ERC2: variants seen among roughly 807,000 people sequenced by gnomAD.
The protein encoded by ERC2 is ELKS/RAB6-interacting/CAST family member 2.
A neutral mutation model predicts 114.8 loss-of-function variants in ERC2; 42 were observed. The ratio of observed to expected loss-of-function variants is 0.37; its 90% confidence interval spans 0.29 to 0.47. The LOEUF (loss-of-function observed/expected upper bound fraction) is 0.47. Ranked by LOEUF, ERC2 falls within the 20% of genes least tolerant of loss-of-function variation. The probability of loss-of-function intolerance (pLI) is 0.99; values close to 1 mark genes in which losing one functional copy is unlikely to be tolerated. For synonymous variants in ERC2, 454 were observed against 425.5 expected, an observed-to-expected ratio of 1.07 and a Z score of -0.82; for missense variants, 939 against 1,150.7, an observed-to-expected ratio of 0.82 and a Z score of 2.66.
At chr3:56,061,025 A>C (rs979716743) in intron 7 of ERC2, among the ~76,000 whole-genome samples, 2 of 152,164 alleles carry the variant, frequency 1.3e-5, no homozygotes, top group Non-Finnish European at 2.9e-5. Flanking sequence ...TGCCTGCTCA[A>C]TTCTTCCCAG....
Position 56,406,786 on chromosome 3 carries a change from T to C in ERC2, c.657+27565A>G, listed in dbSNP as rs574832631. Among the ~76,000 whole-genome samples, 8 of 152,258 alleles carry C rather than the reference T, an allele frequency of 5.3e-5. No individual in the cohort carries two copies. In the East Asian group the frequency reaches 9.6e-4, roughly 18 times the overall value. Reference sequence around the variant, plus strand: ...AAAAATCAAACTCAATCTCAATAAATGCAAAAACTCTTAATTTTGTTATAC... The same window carrying C: ...AAAAATCAAACTCAATCTCAATAAACGCAAAAACTCTTAATTTTGTTATAC... On this transcript the variant is annotated intron_variant, in intron 2 of 17. Coordinates refer to ENST00000288221, the MANE Select transcript of ERC2 (RefSeq NM_015576.3).
At chr3:56,224,405 C>T (rs1056079144) in intron 3 of ERC2, among the ~76,000 whole-genome samples, 3 of 152,104 alleles carry the variant, frequency 2.0e-5, no homozygotes, top group African/African-American at 7.2e-5. Context: ...ACCAGGAGTT[C>T]AAGCTACAGC....
chr3:56,059,290 C>T (rs909730082), intron 7 of ERC2, among the ~76,000 whole-genome samples: 13 of 152,078 alleles, frequency 8.5e-5, no homozygotes, highest in Non-Finnish European at 1.6e-4. Context: ...GGGGGTTTCA[C>T]CTGTTGGCCA....
At chr3:56,161,970 A>T (rs1364692949) in intron 4 of ERC2, among the ~76,000 whole-genome samples, 2 of 152,094 alleles carry the variant, frequency 1.3e-5, no homozygotes, top group Admixed American at 1.3e-4. Context: ...TCAGTTCTCA[A>T]GGGGAATGTG....
chr3:55,776,221 G>C (rs988664615), intron 14 of ERC2, among the ~76,000 whole-genome samples: 6 of 152,174 alleles, frequency 3.9e-5, no homozygotes, highest in Admixed American at 6.5e-5. Flanking sequence ...AAGCCACACG[G>C]GGCCTCCATT....
chr3:55,997,973 C>T (rs2071726236), intron 10 of ERC2, among the ~76,000 whole-genome samples: 2 of 126,492 alleles, frequency 1.6e-5, no homozygotes, highest in African/African-American at 3.0e-5. Flanking sequence ...CTATGTTGCC[C>T]AGCCTGGTCT....
At chr3:56,247,100 G>A (rs2051763508) in intron 3 of ERC2, among the ~76,000 whole-genome samples, 1 of 152,186 alleles carries the variant, frequency 6.6e-6, no homozygotes, top group Non-Finnish European at 1.5e-5. Context: ...ACTTTAAAAA[G>A]TAAGAGATGA....
intron 2 of ERC2, among the ~76,000 whole-genome samples, chr3:56,321,164 G>C (rs1349733401): frequency 6.6e-6 from 1 of 152,152 alleles, no homozygotes; most frequent in African/African-American, 2.4e-5. Flanking sequence ...GGAGGCAGGT[G>C]GTTGGTGTTA....
intron 14 of ERC2, among the ~76,000 whole-genome samples, chr3:55,771,383 C>T (rs1224898511): frequency 6.6e-6 from 1 of 152,160 alleles, no homozygotes; most frequent in Non-Finnish European, 1.5e-5. Context: ...GTACTAGGTA[C>T]CTTATGTGCA....
At chr3:56,004,782 T>G (rs912208350) in intron 10 of ERC2, among the ~76,000 whole-genome samples, 13 of 152,162 alleles carry the variant, frequency 8.5e-5, no homozygotes, top group African/African-American at 2.9e-4. Flanking sequence ...AAAACTATTA[T>G]GTTTTCAGCT....
intron 16 of ERC2, among the ~76,000 whole-genome samples, chr3:55,685,141 T>C (rs1399736220): frequency 6.6e-6 from 1 of 152,238 alleles, no homozygotes; most frequent in Non-Finnish European, 1.5e-5. Flanking sequence ...CCTTTGTATT[T>C]CTATGTATTT....
rs369796154 is a variant in ERC2 at position 56,148,994 on chromosome 3, T to C, written c.1288A>G (p.Lys430Glu). 1 of 1,613,168 alleles carries C rather than the reference T, an allele frequency of 6.2e-7. No individual in the cohort carries two copies. The highest frequency in any genetic ancestry group is 8.5e-7 in the Non-Finnish European group (1 of 1,179,508). Residue 430 changes from lysine (K) to glutamate (E), a missense_variant, in exon 5 of 18, where the codon AAG becomes GAG. Physicochemically the swap from Lys to Glu is moderately conservative, Grantham distance 56 (BLOSUM62 1). Around this residue, in one of 5 missense-constraint regions of ERC2, gnomAD observed 148 missense variants for 159.1 expected, o/e 0.93. Transcript: ENST00000288221. ...GACCGTACCTTGGTCTTCATAAACT[T>C]GGAGTGACTTTTGTAAACCTCAATT... is the stretch of plus-strand genomic sequence containing the variant. Reference protein sequence around the residue: ...KQIEVYKSHSKFMKTKIDQLK... With the variant: ...KQIEVYKSHSEFMKTKIDQLK...
intron 14 of ERC2, among the ~76,000 whole-genome samples, chr3:55,844,447 A>C (rs2061267675): frequency 6.6e-6 from 1 of 152,240 alleles, no homozygotes; most frequent in Non-Finnish European, 1.5e-5. Context: ...GAAGGGAAAG[A>C]ATGTTTGCTG....
At chr3:55,866,285 C>T (rs1393447646) in intron 14 of ERC2, among the ~76,000 whole-genome samples, 1 of 151,978 alleles carries the variant, frequency 6.6e-6, no homozygotes, top group Non-Finnish European at 1.5e-5. Flanking sequence ...AATCCCTTGC[C>T]CATTATAAAA....
rs192078228 is a variant in ERC2, at chr3:56,021,232, T to A, written c.1642-2201A>T. Among the ~76,000 whole-genome samples the A allele has an allele frequency of 3.6e-3, 551 of 152,296 alleles. 2 individuals are homozygous for A. The highest frequency in any genetic ancestry group is 6.8e-3 in the Middle Eastern group (2 of 294). ...ACATCTATAAACAGATAAATATATCTGGAAACAAATCACAAGAAATTTTAA... is the reference window on the plus strand; with the variant it reads ...ACATCTATAAACAGATAAATATATCAGGAAACAAATCACAAGAAATTTTAA... On this transcript the variant is annotated intron_variant, in intron 7 of 17. Coordinates refer to ENST00000288221, the MANE Select transcript of ERC2 (RefSeq NM_015576.3).
At chr3:56,246,362 C>T (rs2051708762) in intron 3 of ERC2, among the ~76,000 whole-genome samples, 1 of 152,144 alleles carries the variant, frequency 6.6e-6, no homozygotes, top group Non-Finnish European at 1.5e-5. Flanking sequence ...TTCCCACACA[C>T]ACATCCACCT....
intron 17 of ERC2, among the ~76,000 whole-genome samples, chr3:55,522,526 C>T (rs1383095919): frequency 6.9e-6 from 1 of 145,550 alleles, no homozygotes; most frequent in Admixed American, 7.2e-5. Flanking sequence ...TAAAGGGAAA[C>T]AATAACATTC....
chr3:55,553,174 A>C (rs1443782439), intron 17 of ERC2, among the ~76,000 whole-genome samples: 1 of 151,110 alleles, frequency 6.6e-6, no homozygotes, highest in Non-Finnish European at 1.5e-5. Flanking sequence ...GGCACACACC[A>C]CCATGCCCAG....
rs1016681640 is a variant in ERC2, at chr3:56,375,557, T to C, written c.657+58794A>G. 7.2e-4 allele frequency among the ~76,000 whole-genome samples: 110 copies of C among 152,274 alleles called. 1 individual carries two copies. Among genetic ancestry groups the C allele is most frequent in the East Asian group, 1.2e-3 (6 of 5,176 alleles). On this transcript the variant is annotated intron_variant, in intron 2 of 17. Transcript: ENST00000288221. ...AAGACAGGCATGGTTCCTGCCCTCA[T>C]TGGGTTTATAGGCTGTTGATGGAAG...
Sources: allele counts gnomAD v4.1 joint callset (sites outside exome capture counted in the v4.1 genomes callset), GRCh38; gene constraint gnomAD v4.1.1; regional missense constraint gnomAD v4.1.1; transcripts MANE v1.5; gene names NCBI Gene and HGNC (gene_info 2026-07-23, HGNC 2026-07-21).